Variants in NEK5 observed in about 807,000 individuals in gnomAD.
The protein encoded by NEK5 is NIMA related kinase 5.
Under a neutral mutation model 109.2 loss-of-function variants are expected in NEK5, and 88 were observed. The observed-to-expected ratio is 0.81, with a 90% CI of 0.68 to 0.96. The LOEUF (loss-of-function observed/expected upper bound fraction) is 0.96. NEK5 is among the 40% of genes least tolerant of loss of function. The pLI, the probability that NEK5 is intolerant of heterozygous loss-of-function variation, is 0.00. For missense variants in NEK5, 834 were observed against 920.7 expected (o/e 0.91, Z 1.22); for synonymous variants, 283 against 299.9 (o/e 0.94, Z 0.58).
At chr13:52,096,017 A>G (rs924327452) in intron 12 of NEK5, among the ~76,000 whole-genome samples, 4 of 152,088 alleles carry the variant, frequency 2.6e-5, no homozygotes, top group African/African-American at 9.7e-5. Context: ...GTTGTTCAAA[A>G]GTTTGTAGCG....
At position 52,086,263 on chromosome 13, in the gene NEK5, A is replaced by G; in HGVS notation, c.1479+14T>C. 6.7e-7 allele frequency: 1 copy of G among 1,490,864 alleles called. No homozygotes were observed. Among genetic ancestry groups the G allele is most frequent in the Non-Finnish European group, 9.4e-7 (1 of 1,067,672 alleles). 92.4% of individuals were successfully genotyped at this position (1,490,864 alleles called of 1,614,324 possible). On this transcript the variant is annotated intron_variant, in intron 16 of 23. Transcript: ENST00000684899. ...ATCGATAGAACAATGTTTCCCCTAG[A>G]AGAATGAATTTACCTCTGGTTCTCT...
At chr13:52,077,082 T>C (rs183491548) in intron 17 of NEK5, among the ~76,000 whole-genome samples, 57 of 152,324 alleles carry the variant, frequency 3.7e-4, no homozygotes, top group Non-Finnish European at 6.5e-4. Flanking sequence ...TGGAATGATA[T>C]TGGACCTTGG....
At chr13:52,107,599 TAA>T (rs572246305) in intron 8 of NEK5, among the ~76,000 whole-genome samples, 1 of 124,292 alleles carries the variant, frequency 8.0e-6, no homozygotes, top group Admixed American at 7.7e-5. Flanking sequence ...TCTCAAAAAA[TAA>T]AAAAAAAAAA....
chr13:52,095,964 C>T (rs1955405942), intron 12 of NEK5, among the ~76,000 whole-genome samples: 1 of 152,086 alleles, frequency 6.6e-6, no homozygotes, highest in Non-Finnish European at 1.5e-5. Context: ...CAGATTCCCC[C>T]CTTGCTGTTC....
At position 52,097,543 on chromosome 13, in the gene NEK5, G is replaced by T. The variant is rs763894502; in HGVS notation, c.1026+2200C>A. Among the ~76,000 whole-genome samples the T allele has an allele frequency of 1.6e-4, 25 of 152,288 alleles. No homozygotes were observed. In the Middle Eastern group the frequency reaches 0.01, roughly 62 times the overall value. The stretch of plus-strand genomic sequence containing the variant: ...CCCTGCTAGGTTTTGAATTTGCATG[G>T]GGTCTATAAACCCTTTGTTTTGGCT... On this transcript the variant is annotated intron_variant, in intron 12 of 23. Coordinates refer to ENST00000684899, the MANE Select transcript of NEK5 (RefSeq NM_001365552.1).
chr13:52,109,197 TC>T (rs1455681383), intron 7 of NEK5, among the ~76,000 whole-genome samples: 1 of 152,106 alleles, frequency 6.6e-6, no homozygotes, highest in Non-Finnish European at 1.5e-5. Context: ...TCATAAACCC[TC>T]CCTTTGGCCA....
intron 7 of NEK5, among the ~76,000 whole-genome samples, chr13:52,109,127 A>G (rs2408554): frequency 6.6e-6 from 1 of 152,076 alleles, no homozygotes; most frequent in Non-Finnish European, 1.5e-5. Context: ...ACAGGTGCAC[A>G]AATTTATTTT....
intron 7 of NEK5, among the ~76,000 whole-genome samples, chr13:52,110,008 T>C (rs936228337): frequency 1.3e-5 from 2 of 152,206 alleles, no homozygotes; most frequent in Middle Eastern, 3.2e-3. Context: ...AATAAATCTC[T>C]TCAAATATTT....
chr13:52,074,986 G>C (rs1355542770), intron 19 of NEK5, among the ~76,000 whole-genome samples: 1 of 152,164 alleles, frequency 6.6e-6, no homozygotes, highest in African/African-American at 2.4e-5. Flanking sequence ...TATTGGCGAG[G>C]CTGCAGAGAA....
At chr13:52,110,684 A>G (rs113982007) in intron 5 of NEK5, 107 bp from the exon 6 acceptor site, 1 of 659,116 alleles carries the variant, frequency 1.5e-6, no homozygotes. Flanking sequence ...ACACACACAC[A>G]TACACACATA....
At chr13:52,066,466 T>G (rs550695785) in intron 20 of NEK5, among the ~76,000 whole-genome samples, 4 of 151,770 alleles carry the variant, frequency 2.6e-5, no homozygotes, top group African/African-American at 7.3e-5. Flanking sequence ...TATTCTGTGG[T>G]TTTTTTTTCT....
intron 17 of NEK5, among the ~76,000 whole-genome samples, chr13:52,078,537 G>C (rs955679784): frequency 2.6e-5 from 4 of 151,464 alleles, no homozygotes; most frequent in African/African-American, 9.7e-5. Context: ...ATTTTATAAA[G>C]TATATACATT....
chr13:52,114,712 A>C (rs1955818856), intron 4 of NEK5, among the ~76,000 whole-genome samples: 1 of 152,198 alleles, frequency 6.6e-6, no homozygotes, highest in African/African-American at 2.4e-5. Context: ...GTAAGACTGG[A>C]GATCTAGGAA....
intron 8 of NEK5, among the ~76,000 whole-genome samples, chr13:52,105,903 GT>G (rs1356017297): frequency 6.6e-6 from 1 of 151,570 alleles, no homozygotes; most frequent in Non-Finnish European, 1.5e-5. Flanking sequence ...GTCTCACAAT[GT>G]TGTCCAGGTT....
chr13:52,062,532 T>C (rs891241710), intron 21 of NEK5, among the ~76,000 whole-genome samples: 1 of 151,942 alleles, frequency 6.6e-6, no homozygotes, highest in African/African-American at 2.4e-5. Flanking sequence ...GCAATTCTCC[T>C]GCCTCAGCCT....
chr13:52,071,489 C>T (rs998752738), intron 20 of NEK5, among the ~76,000 whole-genome samples: 2 of 152,268 alleles, frequency 1.3e-5, no homozygotes, highest in Non-Finnish European at 2.9e-5. Flanking sequence ...TTTAATAAAT[C>T]TGCCTTTCTT....
chr13:52,076,957 T>A (rs1006021354), intron 17 of NEK5, among the ~76,000 whole-genome samples: 1 of 152,184 alleles, frequency 6.6e-6, no homozygotes, highest in African/African-American at 2.4e-5. Flanking sequence ...ACGAATGACA[T>A]AATTTCAGAA....
At chr13:52,062,010 G>C (rs150610051) in intron 21 of NEK5, 57 bp from the exon 22 acceptor site, 19 of 193,304 alleles carry the variant, frequency 9.8e-5, no homozygotes, top group Non-Finnish European at 1.5e-4. Flanking sequence ...ATTTGTATAA[G>C]ATCAAAGAAT....
At chr13:52,078,506 T>C (rs1381827303) in intron 17 of NEK5, among the ~76,000 whole-genome samples, 1 of 152,132 alleles carries the variant, frequency 6.6e-6, no homozygotes, top group Non-Finnish European at 1.5e-5. Flanking sequence ...TGGTGATGGG[T>C]TTCATGGGTG....
Sources: allele counts gnomAD v4.1 joint callset (sites outside exome capture counted in the v4.1 genomes callset), GRCh38; gene constraint gnomAD v4.1.1; transcripts MANE v1.5; gene names NCBI Gene and HGNC (gene_info 2026-07-23, HGNC 2026-07-21).